DOCK10: variants seen among roughly 807,000 people sequenced by gnomAD.
DOCK10 encodes dedicator of cytokinesis protein 10.
In DOCK10, 145 loss-of-function variants were observed where a neutral mutation model predicts 280.1. That is an observed-to-expected ratio of 0.52 (90% CI 0.45 to 0.59). The LOEUF is 0.59. Ranked by LOEUF, DOCK10 falls within the 20% of genes least tolerant of loss-of-function variation. The pLI is 0.00. For synonymous variants in DOCK10, 915 were observed against 942.2 expected (o/e 0.97, Z 0.53); for missense variants, 2,368 against 2,651.7 (o/e 0.89, Z 2.35).
At chr2:224,951,298 T>A (rs1703711241) in intron 1 of DOCK10, among the ~76,000 whole-genome samples, 1 of 152,226 alleles carries the variant, frequency 6.6e-6, no homozygotes, top group South Asian at 2.1e-4. Context: ...ATACATAAAC[T>A]ATTATTATTG....
At chr2:224,809,636 T>C (rs948803439) in intron 31 of DOCK10, among the ~76,000 whole-genome samples, 2 of 152,000 alleles carry the variant, frequency 1.3e-5, no homozygotes, top group Non-Finnish European at 2.9e-5. Context: ...ATCAGGGAAA[T>C]GCAAATCAAA....
chr2:224,875,933 G>T (rs1172463214), intron 8 of DOCK10, 105 bp downstream of exon 8: 5 of 1,145,442 alleles, frequency 4.4e-6, no homozygotes, highest in African/African-American at 1.6e-5. Flanking sequence ...GCCCCAGGAT[G>T]GATGAGCTAG....
At chr2:224,774,810 G>T in intron 52 of DOCK10, 95 bp downstream of exon 52, 1 of 1,155,020 alleles carries the variant, frequency 8.7e-7, no homozygotes, top group Non-Finnish European at 1.3e-6. Flanking sequence ...TTCTCTGCAG[G>T]ACTGAAATAA....
intron 1 of DOCK10, among the ~76,000 whole-genome samples, chr2:224,979,127 G>A (rs990523466): frequency 2.6e-5 from 4 of 152,048 alleles, no homozygotes; most frequent in Non-Finnish European, 5.9e-5. Flanking sequence ...ACCCTCTATG[G>A]CCAGAGATCC....
rs374289639 is a variant in DOCK10, at chr2:224,874,167, A to G, written c.1102-16T>C. ...GTTTCAAGGTCTAAAAAAGTTTTGAATGAGTCACCAAACATCCAACATAAA... is the reference window on the plus strand; with the variant it reads ...GTTTCAAGGTCTAAAAAAGTTTTGAGTGAGTCACCAAACATCCAACATAAA... On this transcript the variant is annotated splice_polypyrimidine_tract_variant and intron_variant, in intron 10 of 55. Transcript: ENST00000258390. 271 of 1,581,118 alleles carry G rather than the reference A, an allele frequency of 1.7e-4. No homozygotes were observed. The highest frequency in any genetic ancestry group is 2.2e-4 in the Non-Finnish European group (259 of 1,163,998).
intron 1 of DOCK10, among the ~76,000 whole-genome samples, chr2:224,998,879 A>G (rs1173268164): frequency 6.6e-6 from 1 of 152,086 alleles, no homozygotes; most frequent in African/African-American, 2.4e-5. Context: ...CTCTTATGAA[A>G]GTGTTGCTCT....
intron 3 of DOCK10, among the ~76,000 whole-genome samples, chr2:224,911,166 G>A (rs1036317100): frequency 2.0e-5 from 3 of 152,074 alleles, no homozygotes; most frequent in South Asian, 2.1e-4. Flanking sequence ...GAAGTAAGAC[G>A]CTGAGGTACA....
intron 21 of DOCK10, 93 bp from the exon 22 acceptor site, chr2:224,844,932 C>A: frequency 1.0e-6 from 1 of 961,434 alleles, no homozygotes; most frequent in Non-Finnish European, 1.6e-6. Context: ...CTGTTCTGAT[C>A]CATTAATCTT....
chr2:224,968,253 T>A (rs1704887131), intron 1 of DOCK10, among the ~76,000 whole-genome samples: 1 of 152,206 alleles, frequency 6.6e-6, no homozygotes, highest in South Asian at 2.1e-4. Context: ...AATTCCCATG[T>A]GGTATTTTAA....
At chr2:224,990,655 A>G (rs918123217) in intron 1 of DOCK10, among the ~76,000 whole-genome samples, 1 of 152,116 alleles carries the variant, frequency 6.6e-6, no homozygotes, top group East Asian at 1.9e-4. Context: ...CCGGAGACAC[A>G]TAGTCTTCCC....
At position 224,874,736 on chromosome 2, in the gene DOCK10, G is replaced by C; in HGVS notation, c.947C>G (p.Ser316Cys). ...CTCTGGCGTGCATTCACAAGTTACA[G>C]AATTATCCAGCGAATCTTAAAAAGA... The part of the protein sequence containing the change: ...TDLGLDSLDN[S>C]VTCECTPEET... Residue 316 changes from serine to cysteine, a missense_variant, in exon 9 of 56, where the codon TCT becomes TGT. Physicochemically the swap from Ser to Cys is moderately radical, Grantham distance 112 (BLOSUM62 -1). Around this residue, in one of 2 missense-constraint regions of DOCK10, gnomAD observed 1,209 missense variants for 1,250.9 expected, o/e 0.97. Coordinates refer to ENST00000258390, the MANE Select transcript of DOCK10 (RefSeq NM_014689.3). 6.2e-7 allele frequency: 1 copy of C among 1,613,724 alleles called. No individual in the cohort carries two copies. Among genetic ancestry groups the C allele is most frequent in the Non-Finnish European group, 8.5e-7 (1 of 1,179,692 alleles).
chr2:225,020,900 T>C (rs1051629985), intron 1 of DOCK10, among the ~76,000 whole-genome samples: 1 of 152,254 alleles, frequency 6.6e-6, no homozygotes, highest in African/African-American at 2.4e-5. Context: ...AGAGTGCATA[T>C]GTGACATAGG....
chr2:224,933,806 A>G (rs574425733), intron 1 of DOCK10, among the ~76,000 whole-genome samples: 1 of 152,346 alleles, frequency 6.6e-6, no homozygotes, highest in South Asian at 2.1e-4. Context: ...TGTAATTTAT[A>G]GGTTTAAAGG....
intron 2 of DOCK10, among the ~76,000 whole-genome samples, chr2:224,924,146 G>A (rs1027614671): frequency 6.6e-6 from 1 of 151,970 alleles, no homozygotes; most frequent in African/African-American, 2.4e-5. Context: ...GTGATCACGT[G>A]CACCACCTCT....
chr2:224,865,018 G>A lies in DOCK10; in HGVS notation c.1327C>T (p.His443Tyr). ...RDSRKISADF[H>Y]VDLNHAAVRQ... ...ACAGCAGCATGGTTTAGATCCACAT[G>A]AAAATCAGCAGAAATCTTCCTGCTG... Residue 443 changes from histidine to tyrosine, a missense_variant, in exon 12 of 56, where the codon CAT (histidine) becomes TAT (tyrosine). His to Tyr is a moderately conservative substitution (Grantham distance 83). Around this residue, in one of 2 missense-constraint regions of DOCK10, gnomAD observed 1,209 missense variants for 1,250.9 expected, o/e 0.97. Coordinates refer to ENST00000258390, the MANE Select transcript of DOCK10 (RefSeq NM_014689.3). 1 of 1,613,920 alleles carries A rather than the reference G, an allele frequency of 6.2e-7. No individual in the cohort carries two copies. Among genetic ancestry groups the A allele is most frequent in the Non-Finnish European group, 8.5e-7 (1 of 1,179,884 alleles).
chr2:224,847,527 G>T (rs556871026), intron 19 of DOCK10, among the ~76,000 whole-genome samples: 2 of 152,168 alleles, frequency 1.3e-5, no homozygotes, highest in Non-Finnish European at 2.9e-5. Context: ...ATGAGAATGA[G>T]AAAGATTAAA....
chr2:224,987,027 C>T (rs1705993446), intron 1 of DOCK10, among the ~76,000 whole-genome samples: 1 of 152,184 alleles, frequency 6.6e-6, no homozygotes, highest in Admixed American at 6.5e-5. Context: ...CCTGCCTGCC[C>T]TCTGGCCAGC....
At chr2:224,768,034 C>A (rs1465672375) in intron 55 of DOCK10, among the ~76,000 whole-genome samples, 1 of 151,936 alleles carries the variant, frequency 6.6e-6, no homozygotes, top group African/African-American at 2.4e-5. Context: ...CTGCTTCAGC[C>A]TCCCGAGTAG....
chr2:224,768,375 A>T (rs1440022028), intron 55 of DOCK10, among the ~76,000 whole-genome samples: 1 of 152,220 alleles, frequency 6.6e-6, no homozygotes, highest in Non-Finnish European at 1.5e-5. Context: ...AACCAGGAGA[A>T]GGTGTATATT....
Sources: allele counts gnomAD v4.1 joint callset (sites outside exome capture counted in the v4.1 genomes callset), GRCh38; gene constraint gnomAD v4.1.1; regional missense constraint gnomAD v4.1.1; transcripts MANE v1.5; gene names NCBI Gene and HGNC (gene_info 2026-07-23, HGNC 2026-07-21).